Variants in SLC71A2 observed in about 807,000 individuals in gnomAD.
SLC71A2 encodes the protein solute carrier family 71 member 2.
the SLC71A2 span, among the ~76,000 whole-genome samples, chr9:94,396,156 G>T: frequency 6.6e-6 from 1 of 150,964 alleles, no homozygotes; most frequent in Non-Finnish European, 1.5e-5. Context: ...TAAATTATAT[G>T]AGTATATTTG....
At chr9:94,383,636 T>C in the SLC71A2 span, among the ~76,000 whole-genome samples, 2 of 152,126 alleles carry the variant, frequency 1.3e-5, no homozygotes, top group Non-Finnish European at 2.9e-5. Context: ...TTAAAGTCGT[T>C]TTAGTGATTC....
chr9:94,439,419 G>GTT, the SLC71A2 span, among the ~76,000 whole-genome samples: 1 of 150,700 alleles, frequency 6.6e-6, no homozygotes, highest in Admixed American at 6.6e-5. Flanking sequence ...TAACTTAGTT[G>GTT]TTTTTTTTGG....
At chr9:94,424,190 T>G in the SLC71A2 span, among the ~76,000 whole-genome samples, 1 of 152,182 alleles carries the variant, frequency 6.6e-6, no homozygotes, top group Non-Finnish European at 1.5e-5. Flanking sequence ...CTATATTTCC[T>G]TGTGCCAACA....
chr9:94,383,161 C>CTTTTTTTT, the SLC71A2 span, among the ~76,000 whole-genome samples: 3 of 105,790 alleles, frequency 2.8e-5, no homozygotes, highest in Non-Finnish European at 5.4e-5. Flanking sequence ...GCTTTTACAT[C>CTTTTTTTT]TTTTTTTTTT....
the SLC71A2 span, among the ~76,000 whole-genome samples, chr9:94,435,408 T>C: frequency 3.3e-4 from 50 of 152,318 alleles, no homozygotes; most frequent in Middle Eastern, 6.8e-3. Flanking sequence ...TTCACATATC[T>C]CATCCATTCT....
At chr9:94,384,584 C>A in the SLC71A2 span, among the ~76,000 whole-genome samples, 1 of 152,192 alleles carries the variant, frequency 6.6e-6, no homozygotes, top group African/African-American at 2.4e-5. Flanking sequence ...AAGTGATACA[C>A]CCGCCTTGGC....
the SLC71A2 span, among the ~76,000 whole-genome samples, chr9:94,418,757 CTT>C: frequency 4.9e-4 from 64 of 131,170 alleles, 2 homozygotes; most frequent in African/African-American, 5.0e-4. Flanking sequence ...TCCTTTAATT[CTT>C]TTTTTTTTTT....
At chr9:94,426,500 T>C in the SLC71A2 span, among the ~76,000 whole-genome samples, 1 of 152,176 alleles carries the variant, frequency 6.6e-6, no homozygotes, top group Non-Finnish European at 1.5e-5. Flanking sequence ...TTCTCATCTG[T>C]TCTGTATCAT....
chr9:94,431,040 C>T, the SLC71A2 span, among the ~76,000 whole-genome samples: 68 of 152,182 alleles, frequency 4.5e-4, no homozygotes, highest in Non-Finnish European at 7.9e-4. Flanking sequence ...AGGCTGCACG[C>T]GGTGGCTCAC....
chr9:94,455,752 G>A, the SLC71A2 span, among the ~76,000 whole-genome samples: 7 of 152,162 alleles, frequency 4.6e-5, no homozygotes. Flanking sequence ...GAGGACAAAG[G>A]TCTAAAGAGG....
At chr9:94,430,157 C>A in the SLC71A2 span, among the ~76,000 whole-genome samples, 9 of 150,446 alleles carry the variant, frequency 6.0e-5, no homozygotes, top group Non-Finnish European at 1.2e-4. Context: ...CCTGCCTTGG[C>A]CTCCCAAAGT....
chr9:94,448,891 C>T, the SLC71A2 span, among the ~76,000 whole-genome samples: 2 of 152,270 alleles, frequency 1.3e-5, no homozygotes, highest in South Asian at 4.1e-4. Flanking sequence ...TTTCAGCCTC[C>T]CAAAATGCTG....
chr9:94,427,224 C>G, the SLC71A2 span, among the ~76,000 whole-genome samples: 1 of 152,042 alleles, frequency 6.6e-6, no homozygotes, highest in Non-Finnish European at 1.5e-5. Flanking sequence ...TGAAGGTTAG[C>G]CTTTTAAAAT....
the SLC71A2 span, among the ~76,000 whole-genome samples, chr9:94,450,421 A>C: frequency 6.6e-6 from 1 of 151,950 alleles, no homozygotes; most frequent in East Asian, 1.9e-4. Flanking sequence ...AAATGAGAAT[A>C]ATGTATATAA....
chr9:94,428,962 A>G, the SLC71A2 span, among the ~76,000 whole-genome samples: 7 of 151,676 alleles, frequency 4.6e-5, no homozygotes, highest in South Asian at 2.1e-4. Context: ...TCACTTAACT[A>G]TGTGCATTTG....
the SLC71A2 span, chr9:94,447,017 C>T: frequency 1.3e-6 from 1 of 750,894 alleles, no homozygotes. Flanking sequence ...TTGAGGAAAC[C>T]ACTGCAGAGG....
At chr9:94,392,247 C>G in the SLC71A2 span, among the ~76,000 whole-genome samples, 1 of 150,904 alleles carries the variant, frequency 6.6e-6, no homozygotes, top group Non-Finnish European at 1.5e-5. Flanking sequence ...ATTTTGCTCT[C>G]GTGATACATG....
the SLC71A2 span, among the ~76,000 whole-genome samples, chr9:94,418,592 C>T: frequency 1.3e-5 from 2 of 151,922 alleles, no homozygotes; most frequent in Admixed American, 6.6e-5. Context: ...TGTGCCACCA[C>T]GTCCGACTAA....
the SLC71A2 span, among the ~76,000 whole-genome samples, chr9:94,450,495 T>TA: frequency 1.5e-5 from 2 of 131,658 alleles, no homozygotes; most frequent in African/African-American, 3.0e-5. Flanking sequence ...TAATGTAACT[T>TA]TTTTTTTTTT....
Sources: allele counts gnomAD v4.1 joint callset (sites outside exome capture counted in the v4.1 genomes callset), GRCh38; gene constraint gnomAD v4.1.1; transcripts MANE v1.5; gene names NCBI Gene and HGNC (gene_info 2026-07-23, HGNC 2026-07-21).